NELFCD: variants seen among roughly 807,000 people sequenced by gnomAD.
The protein encoded by NELFCD is negative elongation factor complex member C/D.
A neutral mutation model predicts 72.9 loss-of-function variants in NELFCD; 48 were observed. The observed-to-expected ratio is 0.66, with a 90% CI of 0.52 to 0.84. NELFCD has a LOEUF of 0.84. Ranked by LOEUF, NELFCD falls within the 40% of genes least tolerant of loss-of-function variation. The pLI is 0.00. For missense variants in NELFCD, 538 were observed against 723.8 expected (o/e 0.74, Z 2.94); for synonymous variants, 297 against 280.6 (o/e 1.06, Z -0.59).
At chr20:58,990,214 T>C in intron 7 of NELFCD, 1 of 520,154 alleles carries the variant, frequency 1.9e-6, no homozygotes. Context: ...TTGACCAACA[T>C]GGAGAAACCC....
chr20:58,992,487 C>T (rs925478357), intron 10 of NELFCD, among the ~76,000 whole-genome samples: 7 of 152,210 alleles, frequency 4.6e-5, no homozygotes, highest in African/African-American at 1.7e-4. Flanking sequence ...CACTGAGTAT[C>T]ACTCATTAAT....
chr20:58,986,336 T>C lies in NELFCD; in HGVS notation c.176+128T>C. Reference sequence around the variant, plus strand: ...CTGAACTAAAGGCTTCAAGGGGGGGTCCCCTCTGCCACTTTTTTTTTTTTT... The same window carrying C: ...CTGAACTAAAGGCTTCAAGGGGGGGCCCCCTCTGCCACTTTTTTTTTTTTT... On this transcript the variant is annotated intron_variant, in intron 2 of 14. Transcript: ENST00000652272. The surrounding 1 kb of genome is among the most constrained non-coding windows in gnomAD (Gnocchi z 4.4). The C allele has an allele frequency of 6.4e-6, 4 of 623,612 alleles. No individual in the cohort carries two copies. The highest frequency in any genetic ancestry group is 1.1e-5 in the Non-Finnish European group (4 of 360,702). 38.6% of individuals were successfully genotyped at this position (623,612 alleles called of 1,614,324 possible).
rs770904616 is a variant in NELFCD, at chr20:58,981,283, A to T, written c.-27A>T. ...GCGCCGCGCTCGCTCGCGGGAGGGC[A>T]TGGCGGGGGCCGTGCCGGGCGCCAT... On this transcript the variant is annotated 5_prime_UTR_variant, in exon 1 of 15. It removes an upstream start codon present in the reference 5' UTR. Coordinates refer to ENST00000652272, the MANE Select transcript of NELFCD (RefSeq NM_198976.4). The T allele has an allele frequency of 5.3e-5, 56 of 1,060,096 alleles. No homozygotes were observed. The South Asian group carries it at 1.6e-3, about 31-fold the overall frequency. The allele number at this position is 1,060,096 out of a possible 1,614,324, so 65.7% of individuals were successfully genotyped here.
intron 8 of NELFCD, 111 bp downstream of exon 8, chr20:58,991,186 C>T: frequency 1.9e-6 from 3 of 1,548,434 alleles, no homozygotes; most frequent in Non-Finnish European, 2.7e-6. Context: ...TTGTCCTGGT[C>T]CTTCCTCAGT....
intron 1 of NELFCD, among the ~76,000 whole-genome samples, chr20:58,982,765 C>T (rs1386531543): frequency 6.6e-6 from 1 of 152,108 alleles, no homozygotes; most frequent in Non-Finnish European, 1.5e-5. Flanking sequence ...CAGGGAGTGA[C>T]ACGAGTAGAT....
At position 58,981,355 on chromosome 20, in the gene NELFCD, G is replaced by GCTGA; in HGVS notation, c.48_51dup (p.Gly18Ter). ...GAGCGCGGCCGAGTGGGGCGACGAG[G>GCTGA]CTGACGGCGGCCAGGTGAGGCGGGG... On this transcript the variant is annotated frameshift_variant, in exon 1 of 15. Transcript: ENST00000652272. LOFTEE classifies it high-confidence loss of function. 9.0e-7 allele frequency: 1 copy of GCTGA among 1,111,322 alleles called. No individual in the cohort carries two copies. Among genetic ancestry groups the GCTGA allele is most frequent in the Non-Finnish European group, 1.1e-6 (1 of 906,708 alleles). The allele number at this position is 1,111,322 out of a possible 1,614,324, so 68.8% of individuals were successfully genotyped here. A position where few individuals can be genotyped will look rare whatever the true frequency, so the allele number is the denominator to read the frequency against.
chr20:58,987,056 G>A (rs1447920604), intron 3 of NELFCD, 193 bp downstream of exon 3: 2 of 528,880 alleles, frequency 3.8e-6, no homozygotes, highest in Non-Finnish European at 6.6e-6. Flanking sequence ...TCTTATCTTT[G>A]ATTCAGTAAT....
At chr20:58,991,680 T>A (rs1428695328) in intron 9 of NELFCD, 7 of 744,318 alleles carry the variant, frequency 9.4e-6, no homozygotes. Flanking sequence ...GAAACTGATT[T>A]CCGTAAGACA....
chr20:58,986,644 C>A lies in NELFCD; in HGVS notation c.177-110C>A. On this transcript the variant is annotated intron_variant, in intron 2 of 14. Transcript: ENST00000652272. The surrounding 1 kb of genome is among the most constrained non-coding windows in gnomAD (Gnocchi z 4.4). ...AGGTGTGCACCACTGCACCCAGCCC[C>A]CTCCGCTGCTTTAAAAATTTTGAAA... is the stretch of plus-strand genomic sequence containing the variant. The A allele has an allele frequency of 1.2e-6, 1 of 804,676 alleles. No homozygotes were observed. The highest frequency in any genetic ancestry group is 1.3e-5 in the South Asian group (1 of 74,176). 49.8% of individuals were successfully genotyped at this position (804,676 alleles called of 1,614,324 possible).
chr20:58,992,078 T>G, intron 10 of NELFCD, 58 bp downstream of exon 10: 1 of 1,504,208 alleles, frequency 6.6e-7, no homozygotes. Context: ...GTCGTTTGAG[T>G]TTTCATATTG....
chr20:58,983,115 G>A (rs947662820), intron 1 of NELFCD, among the ~76,000 whole-genome samples: 2 of 150,538 alleles, frequency 1.3e-5, no homozygotes, highest in African/African-American at 2.4e-5. Context: ...GGGGCATCTA[G>A]TATATCACCT....
chr20:58,981,305 C>T lies in NELFCD; in HGVS notation c.-5C>T, dbSNP rs1439154958. The stretch of plus-strand genomic sequence containing the variant: ...GGCATGGCGGGGGCCGTGCCGGGCG[C>T]CATCATGGACGAGGACTACTACGGG... On this transcript the variant is annotated 5_prime_UTR_variant, in exon 1 of 15. Coordinates refer to ENST00000652272, the MANE Select transcript of NELFCD (RefSeq NM_198976.4). 2 of 1,084,554 alleles carry T rather than the reference C, an allele frequency of 1.8e-6. No homozygotes were observed. 67.2% of individuals were successfully genotyped at this position (1,084,554 alleles called of 1,614,324 possible).
intron 7 of NELFCD, 69 bp from the exon 8 acceptor site, chr20:58,990,841 A>T: frequency 7.5e-7 from 1 of 1,337,004 alleles, no homozygotes; most frequent in East Asian, 2.3e-5. Flanking sequence ...AAAGTATTAT[A>T]TGTGTAAAAA....
chr20:58,992,931 A>T, intron 10 of NELFCD, 67 bp from the exon 11 acceptor site: 1 of 1,170,502 alleles, frequency 8.5e-7, no homozygotes, highest in Non-Finnish European at 1.3e-6. Flanking sequence ...ACTTTCCTTT[A>T]ATGCTTTTCT....
At position 58,986,944 on chromosome 20, in the gene NELFCD, A is replaced by G; in HGVS notation, c.286+81A>G. On this transcript the variant is annotated intron_variant, in intron 3 of 14. Transcript: ENST00000652272. This position sits in a 1 kb window ranked among gnomAD's most constrained non-coding sequence, Gnocchi z 4.4. ...ACTTTTGGGTCCTTATAACACTGATACAATGCCTTCTTTGATTTCCTGGTT... is the reference window on the plus strand; with the variant it reads ...ACTTTTGGGTCCTTATAACACTGATGCAATGCCTTCTTTGATTTCCTGGTT... 2.7e-6 allele frequency: 2 copies of G among 747,578 alleles called. No homozygotes were observed. Among genetic ancestry groups the G allele is most frequent in the Admixed American group, 2.8e-5 (1 of 36,172 alleles). 46.3% of individuals were successfully genotyped at this position (747,578 alleles called of 1,614,324 possible).
chr20:58,991,554 A>C, intron 9 of NELFCD, 108 bp downstream of exon 9: 1 of 1,272,602 alleles, frequency 7.9e-7, no homozygotes, highest in South Asian at 1.4e-5. Flanking sequence ...CCTCCCTAGT[A>C]TCAGGCATGT....
chr20:58,987,785 A>G lies in NELFCD; in HGVS notation c.364A>G (p.Lys122Glu), dbSNP rs2091783301. The change falls in exon 4 of 15, where the codon AAA (lysine) becomes GAA (glutamate). Residue 122 changes from lysine to glutamate, a missense_variant. Coordinates refer to ENST00000652272, the MANE Select transcript of NELFCD (RefSeq NM_198976.4). Reference protein sequence around the residue: ...SLLIKHFDPRKADSIFTEEGE... With the variant: ...SLLIKHFDPREADSIFTEEGE... ...GCTGATCAAACATTTTGACCCCCGC[A>G]AAGCAGATTCTATTTTTACTGAAGA... is the stretch of plus-strand genomic sequence containing the variant. 2 of 1,614,080 alleles carry G rather than the reference A, an allele frequency of 1.2e-6. No individual in the cohort carries two copies. The highest frequency in any genetic ancestry group is 2.7e-5 in the African/African-American group (2 of 74,946).
chr20:58,987,838 GCCTAGTACCAGGC>G (rs1472920277), intron 4 of NELFCD, 21 bp downstream of exon 4: 25 of 1,592,358 alleles, frequency 1.6e-5, no homozygotes, highest in Non-Finnish European at 2.2e-5. Context: ...ATTTTTCTTT[GCCTAGTACCAGGC>G]CCTAGGGTCT....
chr20:58,991,818 G>C (rs2091819299), intron 9 of NELFCD, 63 bp from the exon 10 acceptor site: 3 of 1,580,480 alleles, frequency 1.9e-6, no homozygotes, highest in Non-Finnish European at 2.6e-6. Context: ...GCCGACACCA[G>C]AACACCCCGA....
Sources: allele counts gnomAD v4.1 joint callset (sites outside exome capture counted in the v4.1 genomes callset), GRCh38; gene constraint gnomAD v4.1.1; non-coding constraint Gnocchi (gnomAD v3.1); transcripts MANE v1.5; gene names NCBI Gene and HGNC (gene_info 2026-07-23, HGNC 2026-07-21).